Variants in ARFGEF2 observed in about 807,000 individuals in gnomAD.
ARFGEF2 encodes brefeldin A-inhibited guanine nucleotide-exchange protein 2.
A neutral mutation model predicts 219.9 loss-of-function variants in ARFGEF2; 74 were observed. That is an observed-to-expected ratio of 0.34 (90% CI 0.28 to 0.41). The LOEUF (loss-of-function observed/expected upper bound fraction) is 0.41, where lower values mean the gene tolerates loss of function less well. Among genes scored for constraint, ARFGEF2 ranks in the 10% least tolerant of loss-of-function variants. The pLI is 1.00. For missense variants in ARFGEF2, 1,743 were observed against 2,218.3 expected, an observed-to-expected ratio of 0.79 and a Z score of 4.30; for synonymous variants, 733 against 799.2, an observed-to-expected ratio of 0.92 and a Z score of 1.40.
At chr20:48,964,869 G>A (rs996761087) in intron 7 of ARFGEF2, among the ~76,000 whole-genome samples, 1 of 152,118 alleles carries the variant, frequency 6.6e-6, no homozygotes, top group Non-Finnish European at 1.5e-5. Flanking sequence ...AAATGAAACA[G>A]AGTACAAATG....
intron 6 of ARFGEF2, among the ~76,000 whole-genome samples, chr20:48,959,421 C>CTCTG (rs2091126144): frequency 8.2e-6 from 1 of 122,362 alleles, no homozygotes; most frequent in Admixed American, 8.1e-5. Flanking sequence ...CCCTCCCTCC[C>CTCTG]TCCCTTCTTC....
chr20:48,960,249 T>G (rs1050209522), intron 6 of ARFGEF2, among the ~76,000 whole-genome samples: 1 of 152,186 alleles, frequency 6.6e-6, no homozygotes, highest in Non-Finnish European at 1.5e-5. Flanking sequence ...ACTGTACGCT[T>G]TGGTAACACA....
intron 1 of ARFGEF2, among the ~76,000 whole-genome samples, chr20:48,932,370 A>G (rs938991951): frequency 3.3e-5 from 5 of 152,142 alleles, no homozygotes; most frequent in African/African-American, 1.2e-4. Flanking sequence ...TTGAGGGTGG[A>G]GAAATGTGCA....
intron 1 of ARFGEF2, among the ~76,000 whole-genome samples, chr20:48,932,969 T>C (rs1467663782): frequency 6.6e-6 from 1 of 152,080 alleles, no homozygotes; most frequent in Non-Finnish European, 1.5e-5. Context: ...CTGATGGGAT[T>C]GTTGGGCAGT....
chr20:48,998,023 A>G, intron 23 of ARFGEF2, 170 bp from the exon 24 acceptor site: 1 of 638,234 alleles, frequency 1.6e-6, no homozygotes, highest in Non-Finnish European at 2.8e-6. Context: ...ACGCCCAGCT[A>G]ATTTTTTGTA....
chr20:49,008,907 C>T (rs940472209), intron 26 of ARFGEF2, among the ~76,000 whole-genome samples: 3 of 152,006 alleles, frequency 2.0e-5, no homozygotes, highest in Non-Finnish European at 4.4e-5. Context: ...GGGGTTTCAC[C>T]GTGTTGGCCA....
intron 12 of ARFGEF2, among the ~76,000 whole-genome samples, chr20:48,973,819 T>C (rs1336847206): frequency 6.6e-6 from 1 of 152,314 alleles, no homozygotes; most frequent in African/African-American, 2.4e-5. Flanking sequence ...TAAAAGATGG[T>C]CATAGTTGTC....
chr20:48,968,997 G>C, intron 8 of ARFGEF2, 150 bp from the exon 9 acceptor site: 1 of 736,280 alleles, frequency 1.4e-6, no homozygotes, highest in Non-Finnish European at 2.4e-6. Context: ...GTCTCACTAT[G>C]TTCCCCAGAT....
intron 1 of ARFGEF2, among the ~76,000 whole-genome samples, chr20:48,925,614 T>C (rs577769174): frequency 6.6e-6 from 1 of 152,274 alleles, no homozygotes; most frequent in Non-Finnish European, 1.5e-5. Context: ...GGTGGGCAGA[T>C]TGCATGAGCC....
intron 36 of ARFGEF2, among the ~76,000 whole-genome samples, chr20:49,028,226 C>T (rs1307917506): frequency 3.3e-5 from 5 of 152,058 alleles, no homozygotes; most frequent in Admixed American, 3.3e-4. Context: ...CCATTGCACT[C>T]CAGCCTGGGC....
chr20:49,004,576 G>C (rs1055307037), intron 25 of ARFGEF2, among the ~76,000 whole-genome samples: 2 of 151,142 alleles, frequency 1.3e-5, no homozygotes, highest in Non-Finnish European at 2.9e-5. Context: ...CAAGGCAGGT[G>C]GATCACCTGA....
At chr20:49,006,980 T>G (rs1211944770) in intron 26 of ARFGEF2, among the ~76,000 whole-genome samples, 1 of 151,470 alleles carries the variant, frequency 6.6e-6, no homozygotes, top group Non-Finnish European at 1.5e-5. Flanking sequence ...GTGGCCGGCC[T>G]GCCATTGGAG....
chr20:48,942,476 T>G (rs1395609230), intron 3 of ARFGEF2, among the ~76,000 whole-genome samples: 2 of 112,558 alleles, frequency 1.8e-5, no homozygotes. Flanking sequence ...TTACTTGGTT[T>G]TTTTTTTTTT....
chr20:49,007,019 G>A (rs1274702182), intron 26 of ARFGEF2, among the ~76,000 whole-genome samples: 4 of 152,032 alleles, frequency 2.6e-5, no homozygotes, highest in Non-Finnish European at 5.9e-5. Flanking sequence ...GAAATGATCT[G>A]ACATTTTAAA....
At chr20:48,963,033 C>G (rs977554890) in intron 6 of ARFGEF2, among the ~76,000 whole-genome samples, 1 of 151,958 alleles carries the variant, frequency 6.6e-6, no homozygotes, top group African/African-American at 2.4e-5. Context: ...CATAGAGAAA[C>G]CTCATCTCTA....
Position 48,988,625 on chromosome 20 carries a change from A to T in ARFGEF2, c.2496A>T (p.Thr832=). 1 of 1,613,750 alleles carries T rather than the reference A, an allele frequency of 6.2e-7. No homozygotes were observed. Among genetic ancestry groups the T allele is most frequent in the Non-Finnish European group, 8.5e-7 (1 of 1,179,878 alleles). The change falls in exon 18 of 39, where the codon ACA becomes ACT. Residue 832 remains threonine (T), a synonymous_variant. Transcript: ENST00000371917. ...GCAAGAAAATTGCAATGAAAGAAAC[A>T]AAAGAGCTAACGATTGCAACCAAAT... ...IEGKKIAMKE[T]KELTIATKST... is the part of the protein sequence containing the mutation.
chr20:48,969,026 T>G, intron 8 of ARFGEF2, 121 bp from the exon 9 acceptor site: 2 of 925,930 alleles, frequency 2.2e-6, no homozygotes, highest in Non-Finnish European at 3.5e-6. Flanking sequence ...AATGGTGCCA[T>G]CATGGCTTAC....
intron 23 of ARFGEF2, 31 bp downstream of exon 23, chr20:48,995,913 C>A: frequency 6.3e-7 from 1 of 1,593,652 alleles, no homozygotes; most frequent in Non-Finnish European, 8.6e-7. Flanking sequence ...TGACCCTGAA[C>A]TACACAGTGG....
chr20:48,981,185 A>G (rs960649198), intron 14 of ARFGEF2, among the ~76,000 whole-genome samples: 1 of 152,160 alleles, frequency 6.6e-6, no homozygotes, highest in African/African-American at 2.4e-5. Context: ...GGTGGTGACA[A>G]AATCTCTCAG....
Sources: allele counts gnomAD v4.1 joint callset (sites outside exome capture counted in the v4.1 genomes callset), GRCh38; gene constraint gnomAD v4.1.1; transcripts MANE v1.5; gene names NCBI Gene and HGNC (gene_info 2026-07-23, HGNC 2026-07-21).